Variants in ERBB4 observed in about 807,000 individuals in gnomAD.
ERBB4 encodes receptor tyrosine-protein kinase erbB-4.
ERBB4 carries 42 observed loss-of-function variants against 158.0 expected under a neutral mutation model. That is an observed-to-expected ratio of 0.27 (90% CI 0.21 to 0.34). ERBB4 has a LOEUF of 0.34. ERBB4 is among the 10% of genes least tolerant of loss of function. The pLI, the probability that ERBB4 is intolerant of heterozygous loss-of-function variation, is 1.00. For missense variants in ERBB4, 1,333 were observed against 1,624.1 expected, an observed-to-expected ratio of 0.82 and a Z score of 3.08; for synonymous variants, 583 against 558.7, an observed-to-expected ratio of 1.04 and a Z score of -0.61.
chr2:211,661,014 CA>C (rs1328543355), intron 15 of ERBB4, among the ~76,000 whole-genome samples: 1 of 151,880 alleles, frequency 6.6e-6, no homozygotes, highest in Non-Finnish European at 1.5e-5. Context: ...AGTTGAGAAG[CA>C]AATTGGAGAT....
rs16846022 is a variant in ERBB4, at chr2:211,387,187, T to C, written c.3184-37A>G. 1,670 of 1,483,462 alleles carry C rather than the reference T, an allele frequency of 1.1e-3. 18 individuals are homozygous for C. In the African/African-American group the frequency reaches 0.02, roughly 18 times the overall value. 91.9% of individuals were successfully genotyped at this position (1,483,462 alleles called of 1,614,324 possible). ...AGAAACATATGTGGAGAGAAGGCGTTGTTAGAAATAGTTTAAAAATGAATG... is the reference window on the plus strand; with the variant it reads ...AGAAACATATGTGGAGAGAAGGCGTCGTTAGAAATAGTTTAAAAATGAATG... On this transcript the variant is annotated intron_variant, in intron 26 of 27. Transcript: ENST00000342788.
Position 211,619,202 on chromosome 2 carries a change from G to T in ERBB4, c.2276C>A (p.Pro759His), listed in dbSNP as rs915065015. 1 of 1,609,770 alleles carries T rather than the reference G, an allele frequency of 6.2e-7. No homozygotes were observed. Among genetic ancestry groups the T allele is most frequent in the African/African-American group, 1.3e-5 (1 of 74,746 alleles). ...AIKILNETTG[P>H]KANVEFMDEA... ...ATCCATGAACTCCACATTTGCCTTGGGACCAGTTGTCTCATTAAGAATCTT... is the reference window on the plus strand; with the variant it reads ...ATCCATGAACTCCACATTTGCCTTGTGACCAGTTGTCTCATTAAGAATCTT... Residue 759 changes from proline (P) to histidine (H), a missense_variant, in exon 19 of 28, where the codon CCC (proline) becomes CAC (histidine). Pro to His is a moderately conservative substitution (Grantham distance 77). Around this residue, in one of 5 missense-constraint regions of ERBB4, gnomAD observed 314 missense variants for 437.6 expected, o/e 0.72. Transcript: ENST00000342788.
At chr2:212,314,473 C>A (rs72947350) in intron 1 of ERBB4, among the ~76,000 whole-genome samples, 1,815 of 150,262 alleles carry the variant, frequency 0.012, 16 homozygotes, top group Non-Finnish European at 0.018. Flanking sequence ...TAAATTAATT[C>A]ATTAGAAAAA....
intron 1 of ERBB4, among the ~76,000 whole-genome samples, chr2:212,217,663 A>C (rs2083145346): frequency 6.6e-6 from 1 of 151,340 alleles, no homozygotes; most frequent in African/African-American, 2.4e-5. Flanking sequence ...CATCAAGTAC[A>C]TTCAGAGGTA....
chr2:212,303,587 T>C (rs2086700463), intron 1 of ERBB4, among the ~76,000 whole-genome samples: 1 of 151,596 alleles, frequency 6.6e-6, no homozygotes, highest in East Asian at 2.0e-4. Flanking sequence ...CATCTTAGAA[T>C]TACAGTTTAA....
At chr2:212,419,190 C>A (rs1280103903) in intron 1 of ERBB4, among the ~76,000 whole-genome samples, 1 of 151,518 alleles carries the variant, frequency 6.6e-6, no homozygotes, top group Admixed American at 6.6e-5. Flanking sequence ...AACTGTTGAA[C>A]TGAACGTTCA....
intron 3 of ERBB4, among the ~76,000 whole-genome samples, chr2:211,869,141 G>A (rs2078280330): frequency 6.6e-6 from 1 of 152,042 alleles, no homozygotes; most frequent in Non-Finnish European, 1.5e-5. Context: ...CAGTCACACC[G>A]AATGGCTTCA....
intron 3 of ERBB4, among the ~76,000 whole-genome samples, chr2:211,834,268 A>T (rs1479029477): frequency 6.6e-6 from 1 of 152,156 alleles, no homozygotes; most frequent in Non-Finnish European, 1.5e-5. Context: ...GCAAAACTGG[A>T]GGCAGTGCAG....
At chr2:212,062,970 G>T (rs1431837072) in intron 2 of ERBB4, among the ~76,000 whole-genome samples, 1 of 152,128 alleles carries the variant, frequency 6.6e-6, no homozygotes, top group African/African-American at 2.4e-5. Context: ...AGCTCACTGA[G>T]TTATTGTGAA....
rs138406705 is a variant in ERBB4 at position 211,511,367 on chromosome 2, G to T, written c.2487+50536C>A. ...TTATTATGATTGTGTTACATAGCATGATTATATACATGTTCTTGAATAAAT... is the reference window on the plus strand; with the variant it reads ...TTATTATGATTGTGTTACATAGCATTATTATATACATGTTCTTGAATAAAT... On this transcript the variant is annotated intron_variant, in intron 20 of 27. Transcript: ENST00000342788. Among the ~76,000 whole-genome samples, 876 of 152,050 alleles carry T rather than the reference G, an allele frequency of 5.8e-3. 7 individuals carry two copies. The highest frequency in any genetic ancestry group is 0.015 in the South Asian group (70 of 4,822).
intron 3 of ERBB4, among the ~76,000 whole-genome samples, chr2:211,839,635 A>G (rs181460440): frequency 1.1e-3 from 164 of 152,264 alleles, no homozygotes; most frequent in African/African-American, 3.8e-3. Context: ...AATCATTGAC[A>G]TAAATATTCT....
chr2:211,834,291 C>T (rs1053250331), intron 3 of ERBB4, among the ~76,000 whole-genome samples: 3 of 152,038 alleles, frequency 2.0e-5, no homozygotes, highest in African/African-American at 4.8e-5. Flanking sequence ...GAATTCTAGT[C>T]CCCTGGAAAG....
chr2:212,073,877 AT>A (rs1313877384), intron 2 of ERBB4, among the ~76,000 whole-genome samples: 1 of 152,062 alleles, frequency 6.6e-6, no homozygotes, highest in Non-Finnish European at 1.5e-5. Flanking sequence ...ATGTGAAAAT[AT>A]GTTTAACACA....
intron 3 of ERBB4, among the ~76,000 whole-genome samples, chr2:211,808,974 T>C (rs541720253): frequency 6.6e-6 from 1 of 152,322 alleles, no homozygotes; most frequent in African/African-American, 2.4e-5. Context: ...TGCACATTGA[T>C]TTTGTATCCT....
chr2:212,167,088 A>T (rs2081367808), intron 1 of ERBB4, among the ~76,000 whole-genome samples: 1 of 152,176 alleles, frequency 6.6e-6, no homozygotes, highest in East Asian at 1.9e-4. Flanking sequence ...CAAAATTGAC[A>T]AATGGGATCT....
At chr2:212,233,229 G>T (rs1407279887) in intron 1 of ERBB4, among the ~76,000 whole-genome samples, 1 of 152,104 alleles carries the variant, frequency 6.6e-6, no homozygotes, top group African/African-American at 2.4e-5. Context: ...AAAGAAAATA[G>T]GGTTGAGAGA....
chr2:211,849,926 G>A (rs2077678308), intron 3 of ERBB4, among the ~76,000 whole-genome samples: 1 of 149,220 alleles, frequency 6.7e-6, no homozygotes, highest in African/African-American at 2.5e-5. Flanking sequence ...ATTCAAATAA[G>A]GGTTTCTCCA....
intron 3 of ERBB4, among the ~76,000 whole-genome samples, chr2:211,877,564 G>A (rs958283069): frequency 7.4e-5 from 10 of 135,288 alleles, no homozygotes; most frequent in African/African-American, 2.6e-4. Context: ...TCTTTAAAAT[G>A]TCTTTTTTTT....
chr2:212,071,972 T>C (rs2078134193), intron 2 of ERBB4, among the ~76,000 whole-genome samples: 1 of 151,960 alleles, frequency 6.6e-6, no homozygotes, highest in Admixed American at 6.6e-5. Flanking sequence ...GAGGTATGTA[T>C]TGGTATTTGA....
Sources: allele counts gnomAD v4.1 joint callset (sites outside exome capture counted in the v4.1 genomes callset), GRCh38; gene constraint gnomAD v4.1.1; regional missense constraint gnomAD v4.1.1; transcripts MANE v1.5; gene names NCBI Gene and HGNC (gene_info 2026-07-23, HGNC 2026-07-21).